ZDBF2: variants seen among roughly 807,000 people sequenced by gnomAD.
The protein encoded by ZDBF2 is zinc finger DBF-type containing 2.
ZDBF2 carries 6 observed loss-of-function variants against 9.4 expected under a neutral mutation model. That is an observed-to-expected ratio of 0.64 (90% confidence interval 0.35 to 1.27). The LOEUF is 1.27. Among genes scored for constraint, ZDBF2 ranks in the 50% most tolerant of loss-of-function variants. ZDBF2 has a pLI of 0.03. For synonymous variants in ZDBF2, 905 were observed against 946.3 expected, an observed-to-expected ratio of 0.96 and a Z score of 0.80; for missense variants, 2,697 against 2,766.8, an observed-to-expected ratio of 0.97 and a Z score of 0.57.
At position 206,309,832 on chromosome 2, in the gene ZDBF2, G is replaced by A. The variant is rs1559160209; in HGVS notation, c.5304G>A (p.Lys1768=). Residue 1768 remains lysine, a synonymous_variant, in exon 5 of 5, where the codon AAG becomes AAA. Transcript: ENST00000374423. ...SDTDQPQETV[K]KRHPCKKVSS... ...CTGATCAGCCTCAAGAAACTGTTAA[G>A]AAAAGACACCCTTGTAAGAAGGTAT... The A allele has an allele frequency of 6.2e-7, 1 of 1,613,788 alleles. No individual in the cohort carries two copies. Among genetic ancestry groups the A allele is most frequent in the Admixed American group, 1.7e-5 (1 of 59,974 alleles).
intron 1 of ZDBF2, among the ~76,000 whole-genome samples, chr2:206,275,362 A>C (rs1157912030): frequency 1.3e-5 from 2 of 151,640 alleles, no homozygotes; most frequent in Non-Finnish European, 2.9e-5. Flanking sequence ...CTGTCCACAC[A>C]CCCCCTTCCC....
intron 3 of ZDBF2, among the ~76,000 whole-genome samples, chr2:206,283,640 T>C (rs977745042): frequency 1.5e-4 from 23 of 152,150 alleles, no homozygotes; most frequent in Admixed American, 1.5e-3. Context: ...ACAAATACTT[T>C]CTCCATTCTG....
Position 206,309,229 on chromosome 2 carries a change from T to C in ZDBF2, c.4701T>C (p.Cys1567=). ...ATATCAGCTGTATAAATACAGAATGTATTGATATAGAAGATAAGAGCTGTG... is the reference window on the plus strand; with the variant it reads ...ATATCAGCTGTATAAATACAGAATGCATTGATATAGAAGATAAGAGCTGTG... The part of the protein sequence containing the change: ...VKDISCINTE[C]IDIEDKSCDF... The change falls in exon 5 of 5, where the codon TGT becomes TGC. Residue 1567 remains cysteine, a synonymous_variant. Transcript: ENST00000374423. The C allele has an allele frequency of 6.2e-7, 1 of 1,607,090 alleles. No individual in the cohort carries two copies. Among genetic ancestry groups the C allele is most frequent in the Non-Finnish European group, 8.5e-7 (1 of 1,176,212 alleles).
chr2:206,278,618 T>C (rs964208603), intron 1 of ZDBF2, among the ~76,000 whole-genome samples: 3 of 152,216 alleles, frequency 2.0e-5, no homozygotes, highest in Admixed American at 2.0e-4. Context: ...CAGCTGAATT[T>C]ATTAATTTAC....
At chr2:206,277,071 C>G (rs1691049577) in intron 1 of ZDBF2, among the ~76,000 whole-genome samples, 1 of 152,058 alleles carries the variant, frequency 6.6e-6, no homozygotes, top group South Asian at 2.1e-4. Flanking sequence ...AACCAAATGC[C>G]TTTCTATTGT....
Position 206,307,854 on chromosome 2 carries a change from A to G in ZDBF2, c.3326A>G (p.Asn1109Ser), listed in dbSNP as rs761927960. ...EEVIGLKNKI[N>S]EPSTYKLIHH... ...GTTATTGGCCTGAAAAATAAGATTA[A>G]TGAACCTAGTACTTATAAATTAATA... Residue 1109 changes from asparagine to serine, a missense_variant, in exon 5 of 5, where the codon AAT becomes AGT. By Grantham distance (46) the Asn-to-Ser change is conservative (BLOSUM62 1). Around this residue, in one of 3 missense-constraint regions of ZDBF2, gnomAD observed 1,783 missense variants for 1,776.5 expected, o/e 1.00. Coordinates refer to ENST00000374423, the MANE Select transcript of ZDBF2 (RefSeq NM_020923.3). 1.2e-6 allele frequency: 2 copies of G among 1,613,138 alleles called. No homozygotes were observed. Among genetic ancestry groups the G allele is most frequent in the Admixed American group, 1.7e-5 (1 of 59,854 alleles).
intron 1 of ZDBF2, among the ~76,000 whole-genome samples, chr2:206,275,704 C>A (rs939834489): frequency 2.0e-5 from 3 of 151,696 alleles, no homozygotes; most frequent in African/African-American, 7.3e-5. Flanking sequence ...CAATATGCTA[C>A]GTGTGGGGAG....
chr2:206,305,167 G>A lies in ZDBF2; in HGVS notation c.639G>A (p.Leu213=). 1 of 1,613,812 alleles carries A rather than the reference G, an allele frequency of 6.2e-7. No individual in the cohort carries two copies. Among genetic ancestry groups the A allele is most frequent in the Non-Finnish European group, 8.5e-7 (1 of 1,179,816 alleles). ...CTAGTTTACCACCAGCAGCTCATTT[G>A]GATTCAGTTAGCAAATGTGACCCAA... The part of the protein sequence containing the change: ...NTTSLPPAAH[L]DSVSKCDPNK... The change falls in exon 5 of 5, where the codon TTG becomes TTA. Residue 213 remains leucine, a synonymous_variant. Transcript: ENST00000374423.
intron 4 of ZDBF2, among the ~76,000 whole-genome samples, chr2:206,298,753 T>G (rs950242706): frequency 6.6e-6 from 1 of 151,484 alleles, no homozygotes; most frequent in African/African-American, 2.4e-5. Flanking sequence ...CTTGAACTCC[T>G]GACCCCAAGT....
chr2:206,288,889 A>G (rs1691739023), intron 3 of ZDBF2, among the ~76,000 whole-genome samples: 2 of 152,220 alleles, frequency 1.3e-5, no homozygotes, highest in African/African-American at 4.8e-5. Context: ...GGCATTGTGT[A>G]GTAGTGACTC....
rs748183315 is a variant in ZDBF2 at position 206,305,964 on chromosome 2, A to T, written c.1436A>T (p.His479Leu). 2.5e-6 allele frequency: 4 copies of T among 1,613,308 alleles called. No individual in the cohort carries two copies. The African/African-American group carries it at 4.0e-5, about 16-fold the overall frequency. ...VKEISLQNAR[H>L]ISLVDQSYES... ...GAAATAAGTCTTCAGAATGCAAGGC[A>T]TATTAGCCTGGTTGACCAAAGCTAT... Residue 479 changes from histidine (H) to leucine (L), a missense_variant, in exon 5 of 5, where the codon CAT (histidine) becomes CTT (leucine). Physicochemically the swap from His to Leu is moderately conservative, Grantham distance 99 (BLOSUM62 -3). Transcript: ENST00000374423.
At chr2:206,280,274 G>A (rs1026340040) in intron 2 of ZDBF2, among the ~76,000 whole-genome samples, 34 of 152,166 alleles carry the variant, frequency 2.2e-4, no homozygotes, top group African/African-American at 5.3e-4. Flanking sequence ...TAGAGATGAC[G>A]GAAGTGGCAG....
intron 4 of ZDBF2, among the ~76,000 whole-genome samples, chr2:206,301,835 TC>T (rs1292170377): frequency 6.6e-6 from 1 of 152,082 alleles, no homozygotes; most frequent in Non-Finnish European, 1.5e-5. Flanking sequence ...TTGGTTGTTA[TC>T]TTTTTCGTCT....
chr2:206,284,156 G>T (rs1214411002), intron 3 of ZDBF2, among the ~76,000 whole-genome samples: 4 of 151,468 alleles, frequency 2.6e-5, no homozygotes, highest in South Asian at 2.1e-4. Context: ...TTTGTATAGG[G>T]TGTGAGATAG....
rs372411440 is a variant in ZDBF2 at position 206,309,177 on chromosome 2, C to T, written c.4649C>T (p.Thr1550Ile). 1 of 1,610,302 alleles carries T rather than the reference C, an allele frequency of 6.2e-7. No homozygotes were observed. Reference protein sequence around the residue: ...ISDDIPLQLVTDPPQLTVKDI... With the variant: ...ISDDIPLQLVIDPPQLTVKDI... The stretch of plus-strand genomic sequence containing the variant: ...GATGATATTCCCCTTCAGTTAGTGA[C>T]TGACCCACCTCAGTTGACTGTCAAA... Residue 1550 changes from threonine to isoleucine, a missense_variant, in exon 5 of 5, where the codon ACT (threonine) becomes ATT (isoleucine). By Grantham distance (89) the Thr-to-Ile change is moderately conservative. This residue lies in a region of ZDBF2 where 1,783 missense variants were observed against 1,776.5 expected (regional missense o/e 1.00). Coordinates refer to ENST00000374423, the MANE Select transcript of ZDBF2 (RefSeq NM_020923.3).
At chr2:206,297,453 T>G in intron 4 of ZDBF2, 80 bp downstream of exon 4, 1 of 1,255,972 alleles carries the variant, frequency 8.0e-7, no homozygotes, top group Non-Finnish European at 1.1e-6. Flanking sequence ...CAATCAATAC[T>G]TTAAGTGAAT....
intron 1 of ZDBF2, among the ~76,000 whole-genome samples, chr2:206,276,112 A>G (rs1690985931): frequency 6.6e-6 from 1 of 152,206 alleles, no homozygotes; most frequent in South Asian, 2.1e-4. Context: ...CATGACTAGC[A>G]TTTAAAAAAA....
At chr2:206,299,661 A>T (rs1015123029) in intron 4 of ZDBF2, among the ~76,000 whole-genome samples, 4 of 151,918 alleles carry the variant, frequency 2.6e-5, no homozygotes, top group Non-Finnish European at 5.9e-5. Context: ...ACCACAGTAC[A>T]ATGATAAAAA....
intron 3 of ZDBF2, among the ~76,000 whole-genome samples, chr2:206,292,871 A>G (rs1425502611): frequency 6.6e-6 from 1 of 152,192 alleles, no homozygotes; most frequent in Admixed American, 6.5e-5. Flanking sequence ...TGAAGAATCA[A>G]TATTGTAAAC....
Sources: allele counts gnomAD v4.1 joint callset (sites outside exome capture counted in the v4.1 genomes callset), GRCh38; gene constraint gnomAD v4.1.1; regional missense constraint gnomAD v4.1.1; transcripts MANE v1.5; gene names NCBI Gene and HGNC (gene_info 2026-07-23, HGNC 2026-07-21).